Variants in TSPAN5 observed in about 807,000 individuals in gnomAD.
The protein encoded by TSPAN5 is tetraspanin 5, also known as tetraspanin-5.
A neutral mutation model predicts 37.1 loss-of-function variants in TSPAN5; 10 were observed. The observed-to-expected ratio is 0.27, with a 90% CI of 0.17 to 0.46. The LOEUF is 0.46. Ranked by LOEUF, TSPAN5 falls within the 20% of genes least tolerant of loss-of-function variation. The pLI is 1.00. For synonymous variants in TSPAN5, 110 were observed against 118.9 expected (o/e 0.93, Z 0.48); for missense variants, 195 against 326.6 (o/e 0.60, Z 3.11).
intron 4 of TSPAN5, 66 bp from the exon 5 acceptor site, chr4:98,478,876 C>T: frequency 6.3e-7 from 1 of 1,582,510 alleles, no homozygotes. Context: ...ACACTCACAC[C>T]CGCCGAACGA....
chr4:98,580,015 C>T (rs1010032947), intron 1 of TSPAN5, among the ~76,000 whole-genome samples: 34 of 152,142 alleles, frequency 2.2e-4, no homozygotes, highest in Non-Finnish European at 2.8e-4. Flanking sequence ...GATATTTTAA[C>T]AGTACTCAAC....
At chr4:98,622,333 C>G in intron 1 of TSPAN5, among the ~76,000 whole-genome samples, 1 of 152,156 alleles carries the variant, frequency 6.6e-6, no homozygotes, top group Non-Finnish European at 1.5e-5. Context: ...CGCCTCAGAT[C>G]CCCAAAGTGC....
intron 1 of TSPAN5, among the ~76,000 whole-genome samples, chr4:98,556,446 G>A (rs1754753415): frequency 6.6e-6 from 1 of 152,148 alleles, no homozygotes. Flanking sequence ...TGGCAGAAAT[G>A]GCAGTATATG....
At chr4:98,490,650 C>T (rs569772284) in intron 2 of TSPAN5, among the ~76,000 whole-genome samples, 22 of 152,174 alleles carry the variant, frequency 1.4e-4, no homozygotes, top group Admixed American at 5.2e-4. Context: ...AATATACCCA[C>T]GTAGTTATCA....
At chr4:98,542,174 C>T (rs1348582622) in intron 1 of TSPAN5, among the ~76,000 whole-genome samples, 1 of 152,134 alleles carries the variant, frequency 6.6e-6, no homozygotes, top group East Asian at 1.9e-4. Context: ...ATACAAAGAA[C>T]TTAGAACACA....
intron 1 of TSPAN5, among the ~76,000 whole-genome samples, chr4:98,581,558 A>G (rs1033985662): frequency 1.3e-5 from 2 of 152,216 alleles, no homozygotes; most frequent in Non-Finnish European, 2.9e-5. Context: ...TTACTCTGTC[A>G]CAATTACGTT....
At chr4:98,523,255 A>T (rs1365392744) in intron 1 of TSPAN5, among the ~76,000 whole-genome samples, 1 of 152,166 alleles carries the variant, frequency 6.6e-6, no homozygotes, top group Non-Finnish European at 1.5e-5. Context: ...AGCATGAGGG[A>T]TGTGAATAAG....
In TSPAN5 at chr4:98,491,303, T is replaced by C. The variant is rs541473372; in HGVS notation, c.133-4419A>G. Among the ~76,000 whole-genome samples, 13 of 152,294 alleles carry C rather than the reference T, an allele frequency of 8.5e-5. No homozygotes were observed. The East Asian group carries it at 2.5e-3, about 29-fold the overall frequency. Reference sequence around the variant, plus strand: ...GTGGAAGTCAATGCCCAATGGCCAGTATTTTTCCCCTTGGGATTAGGGAAA... The same window carrying C: ...GTGGAAGTCAATGCCCAATGGCCAGCATTTTTCCCCTTGGGATTAGGGAAA... On this transcript the variant is annotated intron_variant, in intron 2 of 7. Coordinates refer to ENST00000305798, the MANE Select transcript of TSPAN5 (RefSeq NM_005723.4).
chr4:98,592,061 G>A (rs954985106), intron 1 of TSPAN5, among the ~76,000 whole-genome samples: 7 of 151,898 alleles, frequency 4.6e-5, no homozygotes, highest in Admixed American at 2.0e-4. Context: ...ACATATCCTC[G>A]ATTTTTAACA....
In TSPAN5 at chr4:98,471,124, TC is replaced by T. The variant is rs1419947046; in HGVS notation, c.*1397del. On this transcript the variant is annotated 3_prime_UTR_variant, in exon 8 of 8. Transcript: ENST00000305798. ...GAGTACTTGCCCCAGTTCAACGCAT[TC>T]CCCTCCAAAGTATTTGTGCTTTGAT... 1 of 152,136 alleles carries T rather than the reference TC, an allele frequency of 6.6e-6. No homozygotes were observed. Among genetic ancestry groups the T allele is most frequent in the Non-Finnish European group, 1.5e-5 (1 of 68,030 alleles). The allele number at this position is 152,136 out of a possible 1,614,324, so 9.4% of individuals were successfully genotyped here. A position where few individuals can be genotyped will look rare whatever the true frequency, so the allele number is the denominator to read the frequency against.
chr4:98,544,931 G>C (rs1207204408), intron 1 of TSPAN5, among the ~76,000 whole-genome samples: 1 of 152,194 alleles, frequency 6.6e-6, no homozygotes, highest in Non-Finnish European at 1.5e-5. Context: ...TGTGTGATGG[G>C]CATCTGCTGA....
chr4:98,603,916 C>G (rs969917555), intron 1 of TSPAN5, among the ~76,000 whole-genome samples: 1 of 152,160 alleles, frequency 6.6e-6, no homozygotes, highest in South Asian at 2.1e-4. Context: ...TATGCAGACT[C>G]TAAGACAGCC....
chr4:98,486,867 G>C lies in TSPAN5; in HGVS notation c.150C>G (p.Ile50Met). 6.2e-7 allele frequency: 1 copy of C among 1,613,988 alleles called. No individual in the cohort carries two copies. Among genetic ancestry groups the C allele is most frequent in the Non-Finnish European group, 8.5e-7 (1 of 1,179,990 alleles). ...AWNEKGVLSN[I>M]SSITDLGGFD... Reference sequence around the variant, plus strand: ...AGCCGCCGAGATCGGTGATGGAAGAGATGTTGGACAGAACTCCCTGGGAGC... The same window carrying C: ...AGCCGCCGAGATCGGTGATGGAAGACATGTTGGACAGAACTCCCTGGGAGC... Residue 50 changes from isoleucine (I) to methionine (M), a missense_variant, in exon 3 of 8, where the codon ATC becomes ATG. By Grantham distance (10) the Ile-to-Met change is conservative (BLOSUM62 1). Transcript: ENST00000305798.
intron 2 of TSPAN5, among the ~76,000 whole-genome samples, chr4:98,498,795 T>A (rs1380213900): frequency 2.0e-5 from 3 of 152,182 alleles, no homozygotes; most frequent in African/African-American, 7.2e-5. Flanking sequence ...GAAGGGGCTG[T>A]GGGCTGCCTC....
At chr4:98,649,256 C>A (rs879706528) in intron 1 of TSPAN5, among the ~76,000 whole-genome samples, 1 of 152,046 alleles carries the variant, frequency 6.6e-6, no homozygotes, top group African/African-American at 2.4e-5. Flanking sequence ...ACTGCTCAGT[C>A]CACACCCCAC....
chr4:98,624,789 G>C (rs1756557607), intron 1 of TSPAN5, among the ~76,000 whole-genome samples: 2 of 152,166 alleles, frequency 1.3e-5, no homozygotes, highest in Admixed American at 1.3e-4. Flanking sequence ...ATACTTCCCT[G>C]AAGCAAGTCT....
intron 1 of TSPAN5, among the ~76,000 whole-genome samples, chr4:98,585,182 T>A (rs1006096421): frequency 1.3e-5 from 2 of 152,224 alleles, no homozygotes; most frequent in African/African-American, 4.8e-5. Context: ...CTGGTGTGCA[T>A]ATATTGCATA....
chr4:98,586,659 AAG>A (rs1486646357), intron 1 of TSPAN5, among the ~76,000 whole-genome samples: 1 of 152,238 alleles, frequency 6.6e-6, no homozygotes, highest in Non-Finnish European at 1.5e-5. Flanking sequence ...CAAAACTCCA[AAG>A]AGAGTTTGTT....
intron 1 of TSPAN5, among the ~76,000 whole-genome samples, chr4:98,509,011 C>T (rs2110287653): frequency 6.6e-6 from 1 of 152,226 alleles, no homozygotes; most frequent in South Asian, 2.1e-4. Flanking sequence ...GACTTGATGA[C>T]ACATTGTACA....
Sources: gnomAD v4.1 joint callset for allele counts (sites outside exome capture counted in the v4.1 genomes callset) on GRCh38, gnomAD v4.1.1 for gene constraint, MANE v1.5 for transcripts, NCBI Gene and HGNC (gene_info 2026-07-23, HGNC 2026-07-21) for gene names.